GALNT17: variants seen among roughly 807,000 people sequenced by gnomAD.
GALNT17 encodes UDP-GalNAc:polypeptide N-acetylgalactosaminyltransferase-like 3.
Under a neutral mutation model 63.7 loss-of-function variants are expected in GALNT17, and 29 were observed. The observed-to-expected ratio is 0.46, with a 90% CI of 0.34 to 0.62. GALNT17 has a LOEUF of 0.62. Ranked by LOEUF, GALNT17 falls within the 20% of genes least tolerant of loss-of-function variation. GALNT17 has a pLI of 0.01. For missense variants in GALNT17, 603 were observed against 799.6 expected (o/e 0.75, Z 2.97); for synonymous variants, 305 against 318.3 (o/e 0.96, Z 0.45).
chr7:71,709,856 C>T (rs1791768038), intron 9 of GALNT17, among the ~76,000 whole-genome samples: 1 of 152,190 alleles, frequency 6.6e-6, no homozygotes, highest in African/African-American at 2.4e-5. Context: ...GCCTCAGCCT[C>T]CCAAAGTGCT....
chr7:71,320,592 TG>T (rs1791588417), intron 1 of GALNT17, among the ~76,000 whole-genome samples: 2 of 152,064 alleles, frequency 1.3e-5, no homozygotes, highest in African/African-American at 4.8e-5. Context: ...TCTAAGTAAA[TG>T]GGATCTTGCC....
At chr7:71,648,008 C>T (rs1584111358) in intron 6 of GALNT17, among the ~76,000 whole-genome samples, 1 of 152,342 alleles carries the variant, frequency 6.6e-6, no homozygotes, top group East Asian at 1.9e-4. Flanking sequence ...ATGCCAACAT[C>T]AGCAGCTACC....
chr7:71,481,405 G>A lies in GALNT17; in HGVS notation c.962+60300G>A, dbSNP rs564967018. On this transcript the variant is annotated intron_variant, in intron 5 of 10. Transcript: ENST00000333538. ...GGCAGAGCTGCAGTGAGCGGAGATCGCACCACTGCACTCCAGCCTGGGCGA... is the reference window on the plus strand; with the variant it reads ...GGCAGAGCTGCAGTGAGCGGAGATCACACCACTGCACTCCAGCCTGGGCGA... Among the ~76,000 whole-genome samples, 6 of 152,250 alleles carry A rather than the reference G, an allele frequency of 3.9e-5. No individual in the cohort carries two copies. In the East Asian group the frequency reaches 5.8e-4, roughly 15 times the overall value.
At chr7:71,566,286 G>A (rs949286552) in intron 5 of GALNT17, among the ~76,000 whole-genome samples, 2 of 152,116 alleles carry the variant, frequency 1.3e-5, no homozygotes, top group Non-Finnish European at 2.9e-5. Flanking sequence ...CAAAGCCACC[G>A]CTTTGGGAGA....
chr7:71,380,790 A>C (rs1563050652), intron 2 of GALNT17, among the ~76,000 whole-genome samples: 1 of 152,010 alleles, frequency 6.6e-6, no homozygotes, highest in Non-Finnish European at 1.5e-5. Flanking sequence ...AGCTTCCATC[A>C]AGAGAGGAGG....
chr7:71,435,240 A>G (rs1314801123), intron 5 of GALNT17, among the ~76,000 whole-genome samples: 2 of 152,296 alleles, frequency 1.3e-5, no homozygotes, highest in South Asian at 4.1e-4. Flanking sequence ...TGAGACGGTG[A>G]AAAAGATCTA....
Position 71,330,584 on chromosome 7 carries a change from A to G in GALNT17, c.239-4966A>G, listed in dbSNP as rs1201331306. On this transcript the variant is annotated intron_variant, in intron 1 of 10. Transcript: ENST00000333538. ...GCTAATTTGTTTATTTTTTGTAGAGATGGTGTGGGGTCTCATTATGATGCC... is the reference window on the plus strand; with the variant it reads ...GCTAATTTGTTTATTTTTTGTAGAGGTGGTGTGGGGTCTCATTATGATGCC... Among the ~76,000 whole-genome samples, 3 of 151,348 alleles carry G rather than the reference A, an allele frequency of 2.0e-5. No homozygotes were observed. In the South Asian group the frequency reaches 6.3e-4, roughly 32 times the overall value.
intron 4 of GALNT17, among the ~76,000 whole-genome samples, chr7:71,416,682 A>C (rs1178178928): frequency 6.6e-6 from 1 of 152,132 alleles, no homozygotes; most frequent in Non-Finnish European, 1.5e-5. Flanking sequence ...CAAATGGTAC[A>C]AGACAGTCAT....
intron 1 of GALNT17, among the ~76,000 whole-genome samples, chr7:71,133,735 T>G (rs1469258437): frequency 2.0e-5 from 3 of 152,120 alleles, no homozygotes; most frequent in Non-Finnish European, 4.4e-5. Context: ...CCATCTAAAA[T>G]GTTGTGCTCA....
At chr7:71,571,123 A>C (rs1265582944) in intron 5 of GALNT17, among the ~76,000 whole-genome samples, 162 bp from the exon 6 acceptor site, 1 of 124,202 alleles carries the variant, frequency 8.1e-6, no homozygotes, top group African/African-American at 4.0e-5. Context: ...AACCCAGTAC[A>C]TGCTAGGCTG....
At chr7:71,626,536 C>T (rs11762927) in intron 6 of GALNT17, among the ~76,000 whole-genome samples, 65,664 of 152,030 alleles carry the variant, frequency 0.43, 16,391 homozygotes, top group East Asian at 0.76. Context: ...TGAACTCAGG[C>T]TTACCTCTTT....
At chr7:71,557,314 G>A (rs1047088116) in intron 5 of GALNT17, among the ~76,000 whole-genome samples, 1 of 151,924 alleles carries the variant, frequency 6.6e-6, no homozygotes, top group Non-Finnish European at 1.5e-5. Context: ...TTTCTTTTTG[G>A]AACCCTGTCA....
chr7:71,139,701 GA>G (rs1227118585), intron 1 of GALNT17, among the ~76,000 whole-genome samples: 4 of 152,074 alleles, frequency 2.6e-5, no homozygotes, highest in African/African-American at 9.7e-5. Context: ...GTCAGAAAGA[GA>G]GGAATGGTGG....
At chr7:71,236,041 C>T (rs1789883417) in intron 1 of GALNT17, among the ~76,000 whole-genome samples, 1 of 151,982 alleles carries the variant, frequency 6.6e-6, no homozygotes, top group African/African-American at 2.4e-5. Flanking sequence ...ATTAGCCGGG[C>T]GTGGTGGCAG....
intron 5 of GALNT17, among the ~76,000 whole-genome samples, chr7:71,544,363 C>T (rs1788946439): frequency 6.8e-6 from 1 of 147,126 alleles, no homozygotes; most frequent in African/African-American, 2.5e-5. Context: ...AGGATGGTCT[C>T]AATCTCCTGA....
intron 5 of GALNT17, among the ~76,000 whole-genome samples, chr7:71,452,938 G>C (rs933556694): frequency 6.6e-6 from 1 of 152,104 alleles, no homozygotes; most frequent in South Asian, 2.1e-4. Flanking sequence ...AACATGATTG[G>C]TGATTCTACC....
intron 10 of GALNT17, among the ~76,000 whole-genome samples, chr7:71,711,569 TTCTC>T (rs1385594048): frequency 2.7e-5 from 4 of 150,136 alleles, no homozygotes; most frequent in Non-Finnish European, 5.9e-5. Flanking sequence ...CTCTCTCCCT[TTCTC>T]TCTTTCTCTT....
intron 5 of GALNT17, among the ~76,000 whole-genome samples, chr7:71,547,529 T>C (rs1789006403): frequency 6.6e-6 from 1 of 152,118 alleles, no homozygotes; most frequent in Non-Finnish European, 1.5e-5. Flanking sequence ...TCAGGTGATC[T>C]GCCTGCCTTT....
intron 1 of GALNT17, among the ~76,000 whole-genome samples, chr7:71,205,152 C>CTTTTTTTTT (rs759200277): frequency 1.7e-5 from 2 of 115,032 alleles, no homozygotes; most frequent in Non-Finnish European, 3.4e-5. Context: ...TTACTTTTTA[C>CTTTTTTTTT]TTTTTTTTTT....
Sources: allele counts gnomAD v4.1 joint callset (sites outside exome capture counted in the v4.1 genomes callset), GRCh38; gene constraint gnomAD v4.1.1; transcripts MANE v1.5; gene names NCBI Gene and HGNC (gene_info 2026-07-23, HGNC 2026-07-21).